Variants in PCDH15 observed in about 807,000 individuals in gnomAD.
PCDH15 encodes protocadherin related 15, also known as protocadherin-15.
PCDH15 carries 129 observed loss-of-function variants against 178.5 expected under a neutral mutation model. The ratio of observed to expected loss-of-function variants is 0.72; its 90% CI spans 0.63 to 0.84. The LOEUF (loss-of-function observed/expected upper bound fraction) is 0.84, where lower values mean the gene tolerates loss of function less well. PCDH15 is among the 40% of genes least tolerant of loss of function. PCDH15 has a pLI of 0.00. For synonymous variants in PCDH15, 800 were observed against 732.0 expected (o/e 1.09, Z -1.50); for missense variants, 2,230 against 2,099.9 (o/e 1.06, Z -1.21).
At chr10:54,772,968 C>T (rs758024714) in intron 1 of PCDH15, among the ~76,000 whole-genome samples, 5 of 152,004 alleles carry the variant, frequency 3.3e-5, no homozygotes, top group South Asian at 2.1e-4. Context: ...TTTGAAGGGA[C>T]GTGGATGGAG....
intron 21 of PCDH15, among the ~76,000 whole-genome samples, chr10:53,969,255 T>C (rs1297093347): frequency 6.6e-6 from 1 of 152,100 alleles, no homozygotes; most frequent in Non-Finnish European, 1.5e-5. Flanking sequence ...AGAAAGGGTA[T>C]CAGTGATTGA....
chr10:53,917,863 ACT>A (rs1170175215), intron 25 of PCDH15, among the ~76,000 whole-genome samples: 3 of 151,966 alleles, frequency 2.0e-5, no homozygotes, highest in Non-Finnish European at 4.4e-5. Context: ...GAGATTTCTC[ACT>A]CTGAGTTCTC....
chr10:54,298,354 A>T (rs1261063618), intron 8 of PCDH15, among the ~76,000 whole-genome samples: 1 of 152,180 alleles, frequency 6.6e-6, no homozygotes, highest in Non-Finnish European at 1.5e-5. Flanking sequence ...GTGTTCTATA[A>T]TAGGGACCAA....
intron 20 of PCDH15, among the ~76,000 whole-genome samples, chr10:54,003,235 T>A (rs1451776653): frequency 6.6e-6 from 1 of 151,840 alleles, no homozygotes; most frequent in Non-Finnish European, 1.5e-5. Flanking sequence ...CCAAAATTAG[T>A]AGAAGAAAAT....
At chr10:54,696,707 T>C (rs2095231404) in intron 1 of PCDH15, among the ~76,000 whole-genome samples, 1 of 152,114 alleles carries the variant, frequency 6.6e-6, no homozygotes, top group Non-Finnish European at 1.5e-5. Context: ...CCTATTTTTG[T>C]ATTTTAATTT....
At chr10:54,513,598 T>G (rs746648083) in intron 3 of PCDH15, among the ~76,000 whole-genome samples, 1 of 152,138 alleles carries the variant, frequency 6.6e-6, no homozygotes, top group Non-Finnish European at 1.5e-5. Context: ...ATACTTGAAA[T>G]TAAAAAGAAT....
chr10:55,502,945 T>C (rs1453743636), intron 2 of PCDH15, among the ~76,000 whole-genome samples: 1 of 151,622 alleles, frequency 6.6e-6, no homozygotes, highest in Non-Finnish European at 1.5e-5. Context: ...AACCTAACTG[T>C]GCAAAATAAA....
chr10:54,676,702 A>G (rs2094796277), intron 1 of PCDH15, among the ~76,000 whole-genome samples: 1 of 152,152 alleles, frequency 6.6e-6, no homozygotes. Flanking sequence ...ACTGCTCATA[A>G]AGCATGCAGT....
At chr10:54,339,763 T>C (rs1025032264) in intron 6 of PCDH15, among the ~76,000 whole-genome samples, 4 of 152,204 alleles carry the variant, frequency 2.6e-5, no homozygotes, top group African/African-American at 4.8e-5. Flanking sequence ...ATGATCTATC[T>C]TGAAAACTCA....
intron 8 of PCDH15, among the ~76,000 whole-genome samples, chr10:54,302,051 T>C (rs1419652173): frequency 6.6e-6 from 1 of 152,184 alleles, no homozygotes; most frequent in African/African-American, 2.4e-5. Flanking sequence ...TTTTTTAAAA[T>C]TCCCATCAAA....
intron 1 of PCDH15, among the ~76,000 whole-genome samples, chr10:54,791,613 C>T (rs1951416629): frequency 6.6e-6 from 1 of 151,884 alleles, no homozygotes; most frequent in African/African-American, 2.4e-5. Flanking sequence ...TCTTAATTTG[C>T]CTTTCTAAGC....
At chr10:53,808,489 G>A (rs535062260) in intron 37 of PCDH15, 2 of 1,379,100 alleles carry the variant, frequency 1.5e-6, no homozygotes, top group Non-Finnish European at 1.9e-6. Context: ...GGAAGGATTA[G>A]TCAGTTTTAC....
intron 3 of PCDH15, among the ~76,000 whole-genome samples, chr10:54,441,486 G>A (rs1406331027): frequency 6.6e-6 from 1 of 151,780 alleles, no homozygotes; most frequent in Non-Finnish European, 1.5e-5. Flanking sequence ...ACTCTAGCTT[G>A]GTATGTGAGA....
intron 10 of PCDH15, among the ~76,000 whole-genome samples, chr10:54,200,832 CT>C (rs1327209909): frequency 6.6e-6 from 1 of 152,014 alleles, no homozygotes; most frequent in Non-Finnish European, 1.5e-5. Context: ...TTCATCTTTT[CT>C]TTATACTCAC....
At chr10:54,353,386 G>T (rs565264209) in intron 5 of PCDH15, among the ~76,000 whole-genome samples, 2 of 152,110 alleles carry the variant, frequency 1.3e-5, no homozygotes, top group Non-Finnish European at 2.9e-5. Flanking sequence ...AACTTATGAA[G>T]GTACAATTTA....
intron 3 of PCDH15, among the ~76,000 whole-genome samples, chr10:54,888,424 T>C (rs566732026): frequency 6.6e-6 from 1 of 152,094 alleles, no homozygotes; most frequent in South Asian, 2.1e-4. Flanking sequence ...ACAATTTATA[T>C]ATGTATATAC....
intron 6 of PCDH15, among the ~76,000 whole-genome samples, chr10:54,333,557 A>G (rs1434850609): frequency 2.3e-5 from 2 of 85,914 alleles, no homozygotes; most frequent in East Asian, 4.1e-4. Context: ...TGTTTACCTA[A>G]AAAGTTTAAA....
chr10:54,569,359 A>T lies in PCDH15; in HGVS notation c.92-41482T>A, dbSNP rs536077316. On this transcript the variant is annotated intron_variant, in intron 2 of 37. Transcript: ENST00000644397. ...TGATCATGCTTATTGCTTAATGGTC[A>T]TAGAAATGTTCCTTTATCAATTTTC... Among the ~76,000 whole-genome samples the T allele has an allele frequency of 7.9e-5, 12 of 152,302 alleles. No individual in the cohort carries two copies. The South Asian group carries it at 2.5e-3, about 32-fold the overall frequency.
intron 3 of PCDH15, among the ~76,000 whole-genome samples, chr10:54,871,637 T>A (rs192849116): frequency 1.3e-4 from 20 of 152,238 alleles, no homozygotes; most frequent in South Asian, 6.2e-4. Context: ...TTATTTTTAA[T>A]AGATTGATTA....
Sources: gnomAD v4.1 joint callset for allele counts (sites outside exome capture counted in the v4.1 genomes callset) on GRCh38, gnomAD v4.1.1 for gene constraint, MANE v1.5 for transcripts, NCBI Gene and HGNC (gene_info 2026-07-23, HGNC 2026-07-21) for gene names.